The following ATP6V0A4 variants were observed in gnomAD, a reference collection of about 807,000 sequenced individuals.
ATP6V0A4 encodes the protein V-type proton ATPase 116 kDa subunit a 4.
A neutral mutation model predicts 107.3 loss-of-function variants in ATP6V0A4; 86 were observed. The observed-to-expected ratio is 0.80, with a 90% CI of 0.67 to 0.96. The LOEUF is 0.96. Ranked by LOEUF, ATP6V0A4 falls within the 40% of genes least tolerant of loss-of-function variation. ATP6V0A4 has a pLI of 0.00. For synonymous variants in ATP6V0A4, 353 were observed against 381.4 expected (o/e 0.93, Z 0.87); for missense variants, 908 against 1,045.6 (o/e 0.87, Z 1.81).
intron 13 of ATP6V0A4, among the ~76,000 whole-genome samples, chr7:138,745,936 T>G (rs1805904692): frequency 1.1e-5 from 1 of 93,474 alleles, no homozygotes; most frequent in Non-Finnish European, 1.9e-5. Flanking sequence ...AGAGCAAGAC[T>G]CTGTCTCAAA....
At chr7:138,718,646 G>A (rs1329243105) in intron 19 of ATP6V0A4, among the ~76,000 whole-genome samples, 1 of 98,048 alleles carries the variant, frequency 1.0e-5, no homozygotes, top group Admixed American at 1.3e-4. Context: ...GGATGTCTGC[G>A]GAGGGAGACG....
rs372743296 is a variant in ATP6V0A4, at chr7:138,752,618, C to T, written c.1029+7G>A. 6.2e-7 allele frequency: 1 copy of T among 1,612,844 alleles called. No individual in the cohort carries two copies. Among genetic ancestry groups the T allele is most frequent in the South Asian group, 1.1e-5 (1 of 90,948 alleles). On this transcript the variant is annotated splice_region_variant and intron_variant, in intron 11 of 21. Coordinates refer to ENST00000310018, the MANE Select transcript of ATP6V0A4 (RefSeq NM_020632.3). ...TCGGACCCCTCCTGGCTCCACCTGC[C>T]ACGCACCATGCCTTGCTCCAGTGCC...
At chr7:138,730,931 C>CTTCTTCTTCTTCT (rs1554392929) in intron 17 of ATP6V0A4, among the ~76,000 whole-genome samples, 14 of 123,760 alleles carry the variant, frequency 1.1e-4, no homozygotes, top group African/African-American at 4.3e-4. Flanking sequence ...TCTTCTTCTT[C>CTTCTTCTTCTTCT]TTTTTTTATT....
chr7:138,732,376 C>T (rs1459308727), intron 17 of ATP6V0A4, among the ~76,000 whole-genome samples: 2 of 152,106 alleles, frequency 1.3e-5, no homozygotes, highest in African/African-American at 4.8e-5. Context: ...TGGAGCCACA[C>T]TATAGCCCTC....
At position 138,773,518 on chromosome 7, in the gene ATP6V0A4, A is replaced by T. The variant is rs1187440564; in HGVS notation, c.-17-2254T>A. ...TAACTGCCTGGATTCCCCACACACA[A>T]ACCAGTGAAGTCCACGAGGCTAGAA... On this transcript the variant is annotated intron_variant, in intron 2 of 21. Transcript: ENST00000310018. The surrounding 1 kb of genome is among the most constrained non-coding windows in gnomAD (Gnocchi z 5.4). Among the ~76,000 whole-genome samples, 4 of 151,984 alleles carry T rather than the reference A, an allele frequency of 2.6e-5. No homozygotes were observed. Among genetic ancestry groups the T allele is most frequent in the African/African-American group, 9.7e-5 (4 of 41,374 alleles).
intron 17 of ATP6V0A4, among the ~76,000 whole-genome samples, chr7:138,731,213 G>A (rs1021715484): frequency 1.3e-5 from 2 of 152,176 alleles, no homozygotes; most frequent in African/African-American, 2.4e-5. Flanking sequence ...GGGATTACAG[G>A]CGTGAGCCAC....
At position 138,756,499 on chromosome 7, in the gene ATP6V0A4, T is replaced by A. The variant is rs749748583; in HGVS notation, c.681A>T (p.Gln227His). Residue 227 changes from glutamine (Q) to histidine (H), a missense_variant, in exon 9 of 22, where the codon CAA becomes CAT. By Grantham distance (24) the Gln-to-His change is conservative (BLOSUM62 0). Coordinates refer to ENST00000310018, the MANE Select transcript of ATP6V0A4 (RefSeq NM_020632.3). ...IQKNIFIIFY[Q>H]GEQLRQKIKK... is the part of the protein sequence containing the mutation. Reference sequence around the variant, plus strand: ...TGATTTTCTGCCTGAGCTGCTCTCCTTGGTAAAATATGATGAATATGTTCT... The same window carrying A: ...TGATTTTCTGCCTGAGCTGCTCTCCATGGTAAAATATGATGAATATGTTCT... 3.1e-6 allele frequency: 5 copies of A among 1,612,966 alleles called. No homozygotes were observed. Among genetic ancestry groups the A allele is most frequent in the East Asian group, 2.2e-5 (1 of 44,860 alleles).
intron 18 of ATP6V0A4, 167 bp from the exon 19 acceptor site, chr7:138,722,192 A>G: frequency 1.5e-6 from 1 of 664,898 alleles, no homozygotes; most frequent in Non-Finnish European, 1.9e-6. Flanking sequence ...ATATAAGCAC[A>G]ATTATCACCC....
rs74927512 is a variant in ATP6V0A4, at chr7:138,784,896, T to C, written c.-18+1262A>G. Among the ~76,000 whole-genome samples, 79 of 152,328 alleles carry C rather than the reference T, an allele frequency of 5.2e-4. 1 individual carries two copies. The East Asian group carries it at 0.011, about 22-fold the overall frequency. On this transcript the variant is annotated intron_variant, in intron 2 of 21. Transcript: ENST00000310018. ...CATGCCCTGAGGACTTTCTACAGAA[T>C]GGCTCTTGAGGGTGAAGAGATGAGC... is the stretch of plus-strand genomic sequence containing the variant.
chr7:138,748,986 G>T (rs1036251793), intron 12 of ATP6V0A4, among the ~76,000 whole-genome samples, 181 bp downstream of exon 12: 1 of 152,134 alleles, frequency 6.6e-6, no homozygotes, highest in Non-Finnish European at 1.5e-5. Context: ...AAACCAAGGA[G>T]GATTTTAGGA....
chr7:138,757,495 G>A (rs1281951453), intron 8 of ATP6V0A4, among the ~76,000 whole-genome samples: 1 of 150,968 alleles, frequency 6.6e-6, no homozygotes, highest in Non-Finnish European at 1.5e-5. Context: ...CAGCCTGGGT[G>A]GCAGAGTGAG....
intron 1 of ATP6V0A4, among the ~76,000 whole-genome samples, chr7:138,788,885 A>C (rs1563023233): frequency 6.6e-6 from 1 of 152,274 alleles, no homozygotes; most frequent in East Asian, 1.9e-4. Flanking sequence ...AGTCCTCCCC[A>C]GCCATGTGGA....
chr7:138,719,222 G>A (rs1045331153), intron 19 of ATP6V0A4, among the ~76,000 whole-genome samples: 2 of 152,104 alleles, frequency 1.3e-5, no homozygotes, highest in African/African-American at 4.8e-5. Flanking sequence ...TAACCTTACC[G>A]AACAGGACTG....
chr7:138,760,074 G>A (rs1001523477), intron 7 of ATP6V0A4, 196 bp from the exon 8 acceptor site: 4 of 330,078 alleles, frequency 1.2e-5, no homozygotes, highest in Non-Finnish European at 1.7e-5. Flanking sequence ...AAGTCCCTTT[G>A]ACCTTCTGTT....
At chr7:138,737,853 C>A (rs1429350734) in intron 15 of ATP6V0A4, among the ~76,000 whole-genome samples, 3 of 151,778 alleles carry the variant, frequency 2.0e-5, no homozygotes, top group Non-Finnish European at 4.4e-5. Context: ...CCTCCACCTC[C>A]CAGGTTAAAG....
intron 1 of ATP6V0A4, among the ~76,000 whole-genome samples, chr7:138,790,040 T>C (rs1808338752): frequency 6.6e-6 from 1 of 151,700 alleles, no homozygotes; most frequent in South Asian, 2.1e-4. Flanking sequence ...TACACATTCA[T>C]TATTTTAAAA....
intron 2 of ATP6V0A4, among the ~76,000 whole-genome samples, chr7:138,784,238 A>G (rs1378980546): frequency 1.4e-4 from 7 of 48,970 alleles, no homozygotes; most frequent in African/African-American, 1.7e-4. Flanking sequence ...ATATATACGT[A>G]TATATATATA....
chr7:138,770,824 A>T (rs1205032292), intron 3 of ATP6V0A4, among the ~76,000 whole-genome samples: 2 of 152,176 alleles, frequency 1.3e-5, no homozygotes, highest in African/African-American at 4.8e-5. Context: ...GGCTATATAC[A>T]ATGTTTGAAG....
intron 15 of ATP6V0A4, among the ~76,000 whole-genome samples, chr7:138,737,567 G>A (rs926075576): frequency 1.4e-5 from 2 of 140,872 alleles, no homozygotes; most frequent in Non-Finnish European, 3.0e-5. Context: ...GGCAACTCCC[G>A]CTTTTCTTTT....
Sources: allele counts gnomAD v4.1 joint callset (sites outside exome capture counted in the v4.1 genomes callset), GRCh38; gene constraint gnomAD v4.1.1; non-coding constraint Gnocchi (gnomAD v3.1); transcripts MANE v1.5; gene names NCBI Gene and HGNC (gene_info 2026-07-23, HGNC 2026-07-21).